Variants in MEGF8 observed in about 807,000 individuals in gnomAD.
The protein encoded by MEGF8 is multiple epidermal growth factor-like domains protein 8.
In MEGF8, 156 loss-of-function variants were observed where a neutral mutation model predicts 302.9. That is an observed-to-expected ratio of 0.52 (90% CI 0.45 to 0.59). MEGF8 has a LOEUF of 0.59. Ranked by LOEUF, MEGF8 falls within the 20% of genes least tolerant of loss-of-function variation. MEGF8 has a pLI of 0.00. For missense variants in MEGF8, 3,345 were observed against 3,964.5 expected (o/e 0.84, Z 4.20); for synonymous variants, 1,621 against 1,660.5 (o/e 0.98, Z 0.58).
In MEGF8 at chr19:42,333,786, C is replaced by A. The variant is rs367769622; in HGVS notation, c.351+18C>A. The stretch of plus-strand genomic sequence containing the variant: ...CAGGCAAGGTTAGTGGGGATGGGGC[C>A]GTGGCAGATACACCGAGGGAAATGG... On this transcript the variant is annotated intron_variant, in intron 2 of 41. Coordinates refer to ENST00000251268, the MANE Select transcript of MEGF8 (RefSeq NM_001271938.2). 6.2e-7 allele frequency: 1 copy of A among 1,611,268 alleles called. No homozygotes were observed. The highest frequency in any genetic ancestry group is 8.5e-7 in the Non-Finnish European group (1 of 1,178,116).
At position 42,358,964 on chromosome 19, in the gene MEGF8, G is replaced by A. The variant is rs1308513275; in HGVS notation, c.5343+10G>A. 6.2e-7 allele frequency: 1 copy of A among 1,606,460 alleles called. No homozygotes were observed. The highest frequency in any genetic ancestry group is 8.5e-7 in the Non-Finnish European group (1 of 1,176,700). ...ACCTCACCTGAAGGAGGTGAGATTT[G>A]AAGAGGGTTAGGATTGGGTGGGCTG... On this transcript the variant is annotated intron_variant, in intron 30 of 41. Coordinates refer to ENST00000251268, the MANE Select transcript of MEGF8 (RefSeq NM_001271938.2). The surrounding 1 kb of genome is among the most constrained non-coding windows in gnomAD (Gnocchi z 4.4).
rs748037792 is a variant in MEGF8, at chr19:42,356,000, A to T, written c.4387A>T (p.Asn1463Tyr). The change falls in exon 24 of 42, where the codon AAC becomes TAC. Residue 1463 changes from asparagine (N) to tyrosine (Y), a missense_variant. By Grantham distance (143) the Asn-to-Tyr change is moderately radical. Transcript: ENST00000251268. ...CNAHTGAGTC[N>Y]QSLGVCICAE... ...TGCCCACACTGGGGCAGGAACTTGTAACCAGGTACAGGTGGGAGAGGGCAA... is the reference window on the plus strand; with the variant it reads ...TGCCCACACTGGGGCAGGAACTTGTTACCAGGTACAGGTGGGAGAGGGCAA... The T allele has an allele frequency of 1.2e-6, 2 of 1,611,176 alleles. No individual in the cohort carries two copies. The highest frequency in any genetic ancestry group is 1.7e-6 in the Non-Finnish European group (2 of 1,178,178).
intron 8 of MEGF8, among the ~76,000 whole-genome samples, chr19:42,341,203 G>A (rs908130800): frequency 2.6e-5 from 4 of 152,168 alleles, no homozygotes; most frequent in African/African-American, 7.2e-5. Context: ...AGGCCAAGGC[G>A]GGAAAATCGT....
At position 42,349,589 on chromosome 19, in the gene MEGF8, C is replaced by T. The variant is rs1337643987; in HGVS notation, c.2389C>T (p.Arg797Trp). 7 of 1,611,744 alleles carry T rather than the reference C, an allele frequency of 4.3e-6. No individual in the cohort carries two copies. Among genetic ancestry groups the T allele is most frequent in the Non-Finnish European group, 5.9e-6 (7 of 1,179,844 alleles). Residue 797 changes from arginine (R) to tryptophan (W), a missense_variant, in exon 14 of 42, where the codon CGG (arginine) becomes TGG (tryptophan). By Grantham distance (101) the Arg-to-Trp change is moderately radical. Coordinates refer to ENST00000251268, the MANE Select transcript of MEGF8 (RefSeq NM_001271938.2). ...GSARLFPLPG[R>W]DHKYAVEIQG... ...TGCTCGCCTCTTCCCTCTGCCTGGG[C>T]GGGACCACAAGTATGCAGTAGAGAT...
chr19:42,369,748 C>T lies in MEGF8; in HGVS notation c.6834+25C>T. ...GGTGGGCCGCCCGGAGCCTCAGACC[C>T]CCGACCCTGGGACCCAGGCCCTCAC... On this transcript the variant is annotated intron_variant, in intron 38 of 41. Transcript: ENST00000251268. This position sits in a 1 kb window ranked among gnomAD's most constrained non-coding sequence, Gnocchi z 5.7. 1 of 1,575,102 alleles carries T rather than the reference C, an allele frequency of 6.3e-7. No homozygotes were observed. Among genetic ancestry groups the T allele is most frequent in the South Asian group, 1.1e-5 (1 of 87,410 alleles).
In MEGF8 at chr19:42,333,993, C is replaced by A; in HGVS notation, c.352-14C>A. ...GGCCCTGCCCACCTTACCCAGCACACCTTGTGCCCGCAGATGCTGCTGCAC... is the reference window on the plus strand; with the variant it reads ...GGCCCTGCCCACCTTACCCAGCACAACTTGTGCCCGCAGATGCTGCTGCAC... On this transcript the variant is annotated splice_polypyrimidine_tract_variant and intron_variant, in intron 2 of 41. Coordinates refer to ENST00000251268, the MANE Select transcript of MEGF8 (RefSeq NM_001271938.2). 1 of 1,610,794 alleles carries A rather than the reference C, an allele frequency of 6.2e-7. No homozygotes were observed. Among genetic ancestry groups the A allele is most frequent in the Non-Finnish European group, 8.5e-7 (1 of 1,178,494 alleles).
rs2039263744 is a variant in MEGF8 at position 42,344,658 on chromosome 19, CT to C, written c.1934-11del. 1 of 1,564,102 alleles carries C rather than the reference CT, an allele frequency of 6.4e-7. No individual in the cohort carries two copies. The highest frequency in any genetic ancestry group is 1.8e-5 in the Admixed American group (1 of 55,270). On this transcript the variant is annotated splice_polypyrimidine_tract_variant and intron_variant, in intron 11 of 41. Transcript: ENST00000251268. This position sits in a 1 kb window ranked among gnomAD's most constrained non-coding sequence, Gnocchi z 4.5. ...ACACTGACCCACCGGCCCCCACCCC[CT>C]GTCTTCTCAGAGCAGGCCCGCTGCC...
rs1384461660 is a variant in MEGF8, at chr19:42,352,741, A to G, written c.3351-187A>G. ...TGAAAGAGGTTTTCACAGTGGTGCT[A>G]TGTGGTTGCTATAGAGACAGGCTTG... On this transcript the variant is annotated intron_variant, in intron 19 of 41. Coordinates refer to ENST00000251268, the MANE Select transcript of MEGF8 (RefSeq NM_001271938.2). This position sits in a 1 kb window ranked among gnomAD's most constrained non-coding sequence, Gnocchi z 4.4. 5 of 634,388 alleles carry G rather than the reference A, an allele frequency of 7.9e-6. No individual in the cohort carries two copies. The highest frequency in any genetic ancestry group is 7.3e-5 in the African/African-American group (4 of 54,428). The allele number at this position is 634,388 out of a possible 1,614,324, so 39.3% of individuals were successfully genotyped here.
At chr19:42,335,862 T>C in intron 5 of MEGF8, 69 bp from the exon 6 acceptor site, 1 of 1,379,476 alleles carries the variant, frequency 7.2e-7, no homozygotes, top group Non-Finnish European at 9.5e-7. Context: ...GCTCTGCATC[T>C]CTCTGTCTAA....
Position 42,348,326 on chromosome 19 carries a change from G to A in MEGF8, c.2152G>A (p.Val718Met), listed in dbSNP as rs2147470603. 2 of 1,537,554 alleles carry A rather than the reference G, an allele frequency of 1.3e-6. No homozygotes were observed. Among genetic ancestry groups the A allele is most frequent in the Non-Finnish European group, 1.7e-6 (2 of 1,146,974 alleles). The change falls in exon 13 of 42, where the codon GTG (valine) becomes ATG (methionine). Residue 718 changes from valine (V) to methionine (M), a missense_variant. Coordinates refer to ENST00000251268, the MANE Select transcript of MEGF8 (RefSeq NM_001271938.2). ...ITLTPSAETD[V>M]SLVYRGFIYP... ...CCTAACACCCAGCGCAGAGACAGAT[G>A]TGTCCCTGGTCTACCGTGGCTTCAT...
rs1405307651 is a variant in MEGF8, at chr19:42,357,621, A to T, written c.5011+37A>T. On this transcript the variant is annotated intron_variant, in intron 28 of 41. Transcript: ENST00000251268. The surrounding 1 kb of genome is among the most constrained non-coding windows in gnomAD (Gnocchi z 5.2). Reference sequence around the variant, plus strand: ...GACCGGGAGGGGACAGCCCCCGTGGACCTCCCGGGCATCTGGGCTTCCTGT... The same window carrying T: ...GACCGGGAGGGGACAGCCCCCGTGGTCCTCCCGGGCATCTGGGCTTCCTGT... The T allele has an allele frequency of 9.1e-6, 14 of 1,536,152 alleles. No homozygotes were observed. The Admixed American group carries it at 2.8e-4, about 30-fold the overall frequency.
At chr19:42,361,961 A>T in intron 32 of MEGF8, 129 bp from the exon 33 acceptor site, 2 of 1,387,672 alleles carry the variant, frequency 1.4e-6, no homozygotes, top group South Asian at 1.4e-5. Flanking sequence ...TGGTGGGGAC[A>T]GCCAGGCTCA....
chr19:42,344,683 C>T lies in MEGF8; in HGVS notation c.1947C>T (p.Cys649=), dbSNP rs908158416. ...CTGTCTTCTCAGAGCAGGCCCGCTG[C>T]CGAGGGGAGCAGATCTCAGGCACTG... The part of the protein sequence containing the change: ...SCLPRPEQAR[C]RGEQISGTVG... Residue 649 remains cysteine (C), a synonymous_variant, in exon 12 of 42, where the codon TGC becomes TGT. Coordinates refer to ENST00000251268, the MANE Select transcript of MEGF8 (RefSeq NM_001271938.2). This position sits in a 1 kb window ranked among gnomAD's most constrained non-coding sequence, Gnocchi z 4.5. 3.8e-6 allele frequency: 6 copies of T among 1,585,948 alleles called. No homozygotes were observed. Among genetic ancestry groups the T allele is most frequent in the Non-Finnish European group, 5.2e-6 (6 of 1,163,712 alleles).
At chr19:42,355,540 C>T (rs894124762) in intron 23 of MEGF8, among the ~76,000 whole-genome samples, 2 of 151,960 alleles carry the variant, frequency 1.3e-5, no homozygotes, top group Non-Finnish European at 2.9e-5. Flanking sequence ...GATAGCAGCT[C>T]AGGAGGTAGC....
chr19:42,375,979 C>A lies in MEGF8; in HGVS notation c.7742C>A (p.Thr2581Lys). 6.2e-7 allele frequency: 1 copy of A among 1,606,168 alleles called. No individual in the cohort carries two copies. Among genetic ancestry groups the A allele is most frequent in the Admixed American group, 1.7e-5 (1 of 59,732 alleles). ...GGCCTGATTACCTACGTGACGGTGACGGAGCCGTCGGCAGTGCTGGTGGTC... is the reference window on the plus strand; with the variant it reads ...GGCCTGATTACCTACGTGACGGTGAAGGAGCCGTCGGCAGTGCTGGTGGTC... ...PRGLITYVTV[T>K]EPSAVLVVRG... The change falls in exon 42 of 42, where the codon ACG becomes AAG. Residue 2581 changes from threonine (T) to lysine (K), a missense_variant. Physicochemically the swap from Thr to Lys is moderately conservative, Grantham distance 78. Transcript: ENST00000251268. This position sits in a 1 kb window ranked among gnomAD's most constrained non-coding sequence, Gnocchi z 7.1.
At chr19:42,371,202 G>A in intron 40 of MEGF8, 148 bp from the exon 41 acceptor site, 1 of 1,066,624 alleles carries the variant, frequency 9.4e-7, no homozygotes, top group Middle Eastern at 2.1e-4. Context: ...TAATTTAACT[G>A]CTTTGTGGCC....
chr19:42,360,323 G>A (rs1387019895), intron 31 of MEGF8, among the ~76,000 whole-genome samples: 1 of 148,318 alleles, frequency 6.7e-6, no homozygotes, highest in Non-Finnish European at 1.5e-5. Context: ...CTATCCTCAT[G>A]TGTTTCCTCT....
intron 3 of MEGF8, 118 bp downstream of exon 3, chr19:42,334,331 C>G: frequency 1.1e-6 from 1 of 944,760 alleles, no homozygotes; most frequent in Non-Finnish European, 1.5e-6. Flanking sequence ...ACCCCACCCT[C>G]CTCCGTGACA....
Position 42,356,994 on chromosome 19 carries a change from C to T in MEGF8, c.4830+13C>T. Reference sequence around the variant, plus strand: ...GCGGCAGGAGAAGGTGAGCATCTCTCCCCAGCCCACTCCCCAGCCCTCACA... The same window carrying T: ...GCGGCAGGAGAAGGTGAGCATCTCTTCCCAGCCCACTCCCCAGCCCTCACA... On this transcript the variant is annotated intron_variant, in intron 27 of 41. Coordinates refer to ENST00000251268, the MANE Select transcript of MEGF8 (RefSeq NM_001271938.2). This position sits in a 1 kb window ranked among gnomAD's most constrained non-coding sequence, Gnocchi z 5.2. 1 of 1,569,998 alleles carries T rather than the reference C, an allele frequency of 6.4e-7. No individual in the cohort carries two copies. The highest frequency in any genetic ancestry group is 1.2e-5 in the South Asian group (1 of 84,920).
Sources: gnomAD v4.1 joint callset for allele counts (sites outside exome capture counted in the v4.1 genomes callset) on GRCh38, gnomAD v4.1.1 for gene constraint, Gnocchi (gnomAD v3.1) non-coding constraint, MANE v1.5 for transcripts, NCBI Gene and HGNC (gene_info 2026-07-23, HGNC 2026-07-21) for gene names.